Variants in MCM4 observed in about 807,000 individuals in gnomAD.
MCM4 encodes the protein minichromosome maintenance complex component 4, also known as DNA replication licensing factor MCM4.
A neutral mutation model predicts 88.7 loss-of-function variants in MCM4; 60 were observed. That is an observed-to-expected ratio of 0.68 (90% CI 0.55 to 0.84). The LOEUF is 0.84. MCM4 is among the 40% of genes least tolerant of loss of function. MCM4 has a pLI of 0.00. For synonymous variants in MCM4, 465 were observed against 410.5 expected (o/e 1.13, Z -1.61); for missense variants, 1,149 against 1,105.5 (o/e 1.04, Z -0.56).
rs1402502094 is a variant in MCM4 at position 47,965,747 on chromosome 8, A to G, written c.833-440A>G. The stretch of plus-strand genomic sequence containing the variant: ...AAGTATAGAGGACTTTTTCTCTACC[A>G]GGTGCTCTTACTAGGCTTGAAGTAC... On this transcript the variant is annotated intron_variant, in intron 8 of 16. Transcript: ENST00000649973. Among the ~76,000 whole-genome samples the G allele has an allele frequency of 2.0e-5, 3 of 152,334 alleles. No homozygotes were observed. In the East Asian group the frequency reaches 5.8e-4, roughly 29 times the overall value.
rs17334374 is a variant in MCM4 at position 47,965,880 on chromosome 8, G to C, written c.833-307G>C. On this transcript the variant is annotated intron_variant, in intron 8 of 16. Coordinates refer to ENST00000649973, the MANE Select transcript of MCM4 (RefSeq NM_182746.3). Reference sequence around the variant, plus strand: ...CTAGGGTCAGGACTCAGTCCAGGCTGTCTGGCTTTTTTCCTGACACAGCAG... The same window carrying C: ...CTAGGGTCAGGACTCAGTCCAGGCTCTCTGGCTTTTTTCCTGACACAGCAG... Among the ~76,000 whole-genome samples the C allele has an allele frequency of 5.2e-3, 793 of 152,268 alleles. 12 individuals carry two copies. The highest frequency in any genetic ancestry group is 0.018 in the African/African-American group (767 of 41,556).
In MCM4 at chr8:47,969,816, C is replaced by T. The variant is rs139256517; in HGVS notation, c.1193C>T (p.Pro398Leu). 54 of 1,614,140 alleles carry T rather than the reference C, an allele frequency of 3.3e-5. No homozygotes were observed. Among genetic ancestry groups the T allele is most frequent in the Non-Finnish European group, 4.5e-5 (53 of 1,180,048 alleles). ...CCCTCAGGCATCTATCGAGCTGTGCCTATTCGAGTCAATCCAAGAGTGAGT... is the reference window on the plus strand; with the variant it reads ...CCCTCAGGCATCTATCGAGCTGTGCTTATTCGAGTCAATCCAAGAGTGAGT... The part of the protein sequence containing the change: ...VNVTGIYRAV[P>L]IRVNPRVSNV... Residue 398 changes from proline to leucine, a missense_variant, in exon 11 of 17, where the codon CCT becomes CTT. Transcript: ENST00000649973.
At chr8:47,961,405 C>A in intron 2 of MCM4, 111 bp from the exon 3 acceptor site, 1 of 1,587,356 alleles carries the variant, frequency 6.3e-7, no homozygotes. Context: ...TGCCATTTGC[C>A]TCTGTTTGGT....
intron 7 of MCM4, 138 bp from the exon 8 acceptor site, chr8:47,964,436 A>G: frequency 1.8e-6 from 1 of 542,470 alleles, no homozygotes; most frequent in Non-Finnish European, 3.1e-6. Context: ...ATTTGAAAAC[A>G]GCACGTGCAT....
intron 10 of MCM4, among the ~76,000 whole-genome samples, chr8:47,968,443 T>TA (rs2090920863): frequency 6.6e-6 from 1 of 152,214 alleles, no homozygotes; most frequent in African/African-American, 2.4e-5. Context: ...AAACCTTTGA[T>TA]AAAGTATTTA....
chr8:47,971,224 C>A, intron 12 of MCM4, 117 bp from the exon 13 acceptor site: 1 of 1,221,786 alleles, frequency 8.2e-7, no homozygotes, highest in Non-Finnish European at 1.2e-6. Context: ...CAACATGGCT[C>A]AGGCAATAGA....
At position 47,970,560 on chromosome 8, in the gene MCM4, C is replaced by T; in HGVS notation, c.1484C>T (p.Thr495Ile). 1 of 1,613,610 alleles carries T rather than the reference C, an allele frequency of 6.2e-7. No homozygotes were observed. The highest frequency in any genetic ancestry group is 8.5e-7 in the Non-Finnish European group (1 of 1,179,620). ...FGGTRKDFSH[T>I]GRGKFRAEIN... ...GGGACAAGGAAGGATTTTAGTCACA[C>T]TGGAAGGGGCAAATTTCGGGCTGAG... The change falls in exon 12 of 17, where the codon ACT (threonine) becomes ATT (isoleucine). Residue 495 changes from threonine to isoleucine, a missense_variant. Thr to Ile is a moderately conservative substitution (Grantham distance 89). Transcript: ENST00000649973.
At chr8:47,961,997 A>T (rs1019236374) in intron 3 of MCM4, 56 bp from the exon 4 acceptor site, 2 of 1,503,620 alleles carry the variant, frequency 1.3e-6, no homozygotes, top group South Asian at 1.1e-5. Flanking sequence ...AACAGACAAC[A>T]TGCTGTAATT....
At chr8:47,971,255 G>C in intron 12 of MCM4, 86 bp from the exon 13 acceptor site, 1 of 1,512,242 alleles carries the variant, frequency 6.6e-7, no homozygotes, top group Non-Finnish European at 9.1e-7. Flanking sequence ...AGGGAATATG[G>C]GTTTAGTAGG....
intron 13 of MCM4, among the ~76,000 whole-genome samples, 197 bp from the exon 14 acceptor site, chr8:47,972,660 G>A (rs929634795): frequency 6.6e-6 from 1 of 151,958 alleles, no homozygotes; most frequent in South Asian, 2.1e-4. Context: ...AGGTTCAAGC[G>A]ATTCTCCTGC....
In MCM4 at chr8:47,964,640, T is replaced by C. The variant is rs895454604; in HGVS notation, c.760T>C (p.Leu254=). The C allele has an allele frequency of 6.2e-7, 1 of 1,607,972 alleles. No homozygotes were observed. Among genetic ancestry groups the C allele is most frequent in the Non-Finnish European group, 8.5e-7 (1 of 1,178,496 alleles). ...IFFDRYPDSI[L]EHQIQVRPFN... Reference sequence around the variant, plus strand: ...CTTTGACCGTTACCCTGACTCAATCTTAGAACATCAGATTCAAGTAAGACC... The same window carrying C: ...CTTTGACCGTTACCCTGACTCAATCCTAGAACATCAGATTCAAGTAAGACC... The change falls in exon 8 of 17, where the codon TTA becomes CTA. Residue 254 remains leucine, a synonymous_variant. Coordinates refer to ENST00000649973, the MANE Select transcript of MCM4 (RefSeq NM_182746.3).
intron 12 of MCM4, 96 bp from the exon 13 acceptor site, chr8:47,971,245 A>AG: frequency 7.0e-7 from 1 of 1,421,800 alleles, no homozygotes; most frequent in Non-Finnish European, 9.7e-7. Flanking sequence ...AACTCAGTGG[A>AG]GGGAATATGG....
chr8:47,966,534 T>A, intron 9 of MCM4, 127 bp downstream of exon 9: 1 of 954,754 alleles, frequency 1.0e-6, no homozygotes, highest in Non-Finnish European at 1.5e-6. Flanking sequence ...TCTGGTCTTG[T>A]GGGTTTCGTT....
chr8:47,961,131 G>A lies in MCM4; in HGVS notation c.-14G>A. ...GCCCGAGCTTGTCCTTGTCGCGCAGGTACTCCGAGCACTATGTCGTCCCCG... is the reference window on the plus strand; with the variant it reads ...GCCCGAGCTTGTCCTTGTCGCGCAGATACTCCGAGCACTATGTCGTCCCCG... On this transcript the variant is annotated splice_region_variant and 5_prime_UTR_variant, in exon 2 of 17. Transcript: ENST00000649973. The A allele has an allele frequency of 1.3e-6, 2 of 1,551,830 alleles. No homozygotes were observed. The highest frequency in any genetic ancestry group is 1.7e-6 in the Non-Finnish European group (2 of 1,158,880).
Position 47,961,034 on chromosome 8 carries a change from G to GAGGGCGTGGCGCGGAGCCGACGGGA in MCM4, c.-15+22_-15+46dup. ...TCCACGGTAACCGCGCGCCGGCGGG[G>GAGGGCGTGGCGCGGAGCCGACGGGA]AGGGCGTGGCGCGGAGCCGACGGGA... On this transcript the variant is annotated intron_variant, in intron 1 of 16. Coordinates refer to ENST00000649973, the MANE Select transcript of MCM4 (RefSeq NM_182746.3). 8.4e-7 allele frequency: 1 copy of GAGGGCGTGGCGCGGAGCCGACGGGA among 1,187,562 alleles called. No individual in the cohort carries two copies. Among genetic ancestry groups the GAGGGCGTGGCGCGGAGCCGACGGGA allele is most frequent in the African/African-American group, 1.6e-5 (1 of 61,694 alleles). The allele number at this position is 1,187,562 out of a possible 1,614,324, so 73.6% of individuals were successfully genotyped here.
intron 14 of MCM4, 146 bp from the exon 15 acceptor site, chr8:47,974,588 C>T: frequency 1.5e-6 from 1 of 684,442 alleles, no homozygotes; most frequent in Non-Finnish European, 2.6e-6. Context: ...TCTGTGTAGT[C>T]TCTACCACTT....
Position 47,969,942 on chromosome 8 carries a change from T to C in MCM4, c.1319T>C (p.Leu440Pro). 6.2e-7 allele frequency: 1 copy of C among 1,614,140 alleles called. No homozygotes were observed. The highest frequency in any genetic ancestry group is 1.3e-5 in the African/African-American group (1 of 75,032). ...CTTGATGAAGAAGCAGAACAGAAAC[T>C]TTTTTCAGAGAAACGTGTGGAATTG... ...HGLDEEAEQK[L>P]FSEKRVELLK... Residue 440 changes from leucine to proline, a missense_variant, in exon 11 of 17, where the codon CTT (leucine) becomes CCT (proline). Transcript: ENST00000649973.
chr8:47,970,459 C>T, intron 11 of MCM4, 52 bp from the exon 12 acceptor site: 2 of 1,530,584 alleles, frequency 1.3e-6, no homozygotes, highest in Non-Finnish European at 1.8e-6. Context: ...TAAACTACAT[C>T]TCAGTTAACT....
At chr8:47,975,196 T>A (rs1028932601) in intron 15 of MCM4, 2 of 411,518 alleles carry the variant, frequency 4.9e-6, no homozygotes, top group African/African-American at 4.1e-5. Flanking sequence ...TTTTTTTTTA[T>A]ACTTTAAGTT....
Sources: gnomAD v4.1 joint callset for allele counts (sites outside exome capture counted in the v4.1 genomes callset) on GRCh38, gnomAD v4.1.1 for gene constraint, MANE v1.5 for transcripts, NCBI Gene and HGNC (gene_info 2026-07-23, HGNC 2026-07-21) for gene names.